Variants in TBC1D12 observed in about 807,000 individuals in gnomAD.
The protein encoded by TBC1D12 is TBC1 domain family member 12.
In TBC1D12, 56 loss-of-function variants were observed where a neutral mutation model predicts 86.7. The ratio of observed to expected loss-of-function variants is 0.65; its 90% CI spans 0.52 to 0.81. The LOEUF (loss-of-function observed/expected upper bound fraction) is 0.81. TBC1D12 is among the 30% of genes least tolerant of loss of function. The probability of loss-of-function intolerance (pLI) is 0.00; values close to 1 mark genes in which losing one functional copy is unlikely to be tolerated. For missense variants in TBC1D12, 1,023 were observed against 1,038.8 expected, an observed-to-expected ratio of 0.98 and a Z score of 0.21; for synonymous variants, 421 against 411.7, an observed-to-expected ratio of 1.02 and a Z score of -0.27.
intron 1 of TBC1D12, 82 bp from the exon 2 acceptor site, chr10:94,441,814 G>A: frequency 6.9e-7 from 1 of 1,439,540 alleles, no homozygotes; most frequent in Non-Finnish European, 9.4e-7. Context: ...TTTTGCCTTG[G>A]GAACAAACTT....
intron 2 of TBC1D12, among the ~76,000 whole-genome samples, chr10:94,454,608 G>A (rs1346245676): frequency 6.6e-6 from 1 of 152,124 alleles, no homozygotes; most frequent in Non-Finnish European, 1.5e-5. Flanking sequence ...TACGGATCTT[G>A]CATATGTTTT....
chr10:94,526,160 G>A (rs1010707040), intron 11 of TBC1D12, among the ~76,000 whole-genome samples: 10 of 152,080 alleles, frequency 6.6e-5, no homozygotes, highest in Non-Finnish European at 1.5e-4. Context: ...TGGCCAGTGC[G>A]ATGGCTCATG....
chr10:94,496,612 A>G (rs765245288), intron 4 of TBC1D12, among the ~76,000 whole-genome samples: 28 of 152,164 alleles, frequency 1.8e-4, no homozygotes, highest in Admixed American at 1.7e-3. Flanking sequence ...TTTAGTGTAA[A>G]TAGAAATATG....
intron 5 of TBC1D12, among the ~76,000 whole-genome samples, chr10:94,497,515 C>CTTTTTT (rs34789814): frequency 1.0e-4 from 10 of 98,106 alleles, no homozygotes; most frequent in African/African-American, 1.8e-4. Flanking sequence ...TCTGCTAAAT[C>CTTTTTT]TTTTTTTTTT....
chr10:94,421,428 A>G (rs2055071978), intron 1 of TBC1D12, among the ~76,000 whole-genome samples: 1 of 152,188 alleles, frequency 6.6e-6, no homozygotes, highest in Admixed American at 6.5e-5. Context: ...TCATCCATTG[A>G]TGGACACTTG....
intron 1 of TBC1D12, among the ~76,000 whole-genome samples, chr10:94,428,314 G>T (rs909128193): frequency 1.4e-5 from 2 of 145,040 alleles, no homozygotes; most frequent in African/African-American, 2.6e-5. Context: ...TTAAGACAGG[G>T]TCTCACTGTG....
chr10:94,485,013 CTT>C (rs1235898494), intron 3 of TBC1D12, among the ~76,000 whole-genome samples: 4 of 152,100 alleles, frequency 2.6e-5, no homozygotes, highest in African/African-American at 9.7e-5. Context: ...AGTCTTTGGA[CTT>C]TTGCAAATAT....
At chr10:94,474,864 C>A in intron 3 of TBC1D12, 81 bp downstream of exon 3, 11 of 1,240,288 alleles carry the variant, frequency 8.9e-6, no homozygotes, top group East Asian at 2.5e-5. Context: ...TAAAAGATAG[C>A]GAGAAAGATA....
chr10:94,403,337 G>C lies in TBC1D12; in HGVS notation c.724G>C (p.Gly242Arg), dbSNP rs1244083901. The C allele has an allele frequency of 6.6e-7, 1 of 1,521,474 alleles. No individual in the cohort carries two copies. 94.2% of individuals were successfully genotyped at this position (1,521,474 alleles called of 1,614,324 possible). A position where few individuals can be genotyped will look rare whatever the true frequency, so the allele number is the denominator to read the frequency against. Residue 242 changes from glycine (G) to arginine (R), a missense_variant, in exon 1 of 13, where the codon GGT becomes CGT. By Grantham distance (125) the Gly-to-Arg change is moderately radical. This residue lies in a region of TBC1D12 where 628 missense variants were observed against 531.1 expected (regional missense o/e 1.18). Transcript: ENST00000225235. ...DSEQRGVGAGGPEEGAPPATS... is the reference protein window; with the variant it reads ...DSEQRGVGAGRPEEGAPPATS... ...AGAGCAGCGGGGAGTCGGCGCCGGG[G>C]GTCCCGAGGAGGGCGCGCCCCCTGC... is the stretch of plus-strand genomic sequence containing the variant.
intron 11 of TBC1D12, among the ~76,000 whole-genome samples, chr10:94,524,267 G>A (rs1340655881): frequency 1.3e-5 from 2 of 152,104 alleles, no homozygotes; most frequent in Admixed American, 6.5e-5. Flanking sequence ...GAGGTATTAC[G>A]CATCTCCTCC....
At chr10:94,502,546 A>G (rs1045875221) in intron 6 of TBC1D12, among the ~76,000 whole-genome samples, 12 of 151,980 alleles carry the variant, frequency 7.9e-5, no homozygotes, top group Non-Finnish European at 1.5e-4. Context: ...CTCTACAAAA[A>G]AAATCTCAAA....
intron 2 of TBC1D12, among the ~76,000 whole-genome samples, chr10:94,444,493 G>T (rs1457369164): frequency 6.6e-6 from 1 of 151,880 alleles, no homozygotes; most frequent in Non-Finnish European, 1.5e-5. Flanking sequence ...GACCAAGTTC[G>T]CCCTCTAGAG....
intron 9 of TBC1D12, among the ~76,000 whole-genome samples, chr10:94,514,470 A>T (rs2056565209): frequency 6.6e-6 from 1 of 152,152 alleles, no homozygotes. Flanking sequence ...CTTTGCTTCT[A>T]TGAGTTCAGT....
chr10:94,500,142 C>T lies in TBC1D12; in HGVS notation c.1413-79C>T, dbSNP rs563298543. 160 of 1,287,174 alleles carry T rather than the reference C, an allele frequency of 1.2e-4. 1 individual carries two copies. The Middle Eastern group carries it at 2.1e-3, about 17-fold the overall frequency. The allele number at this position is 1,287,174 out of a possible 1,614,324, so 79.7% of individuals were successfully genotyped here. A position where few individuals can be genotyped will look rare whatever the true frequency, so the allele number is the denominator to read the frequency against. ...AATGATTTGATCACTTGGCCATAGA[C>T]TAAAGATAATCCATCATGCAACTAG... On this transcript the variant is annotated intron_variant, in intron 5 of 12. Coordinates refer to ENST00000225235, the MANE Select transcript of TBC1D12 (RefSeq NM_015188.2).
intron 6 of TBC1D12, among the ~76,000 whole-genome samples, chr10:94,503,788 C>A (rs987183484): frequency 3.9e-5 from 6 of 152,046 alleles, no homozygotes; most frequent in African/African-American, 1.4e-4. Flanking sequence ...ACCACACTGA[C>A]TAATTTTTGT....
chr10:94,508,830 T>TC (rs2056492692), intron 7 of TBC1D12: 1 of 152,216 alleles, frequency 6.6e-6, no homozygotes, highest in Non-Finnish European at 1.5e-5. Context: ...CGGCTGTTTT[T>TC]CCCCTTGTTT....
At chr10:94,488,520 A>G (rs1223883233) in intron 3 of TBC1D12, among the ~76,000 whole-genome samples, 1 of 146,782 alleles carries the variant, frequency 6.8e-6, no homozygotes, top group Non-Finnish European at 1.5e-5. Flanking sequence ...CCTCCCGAGT[A>G]GCTGGGCTTA....
chr10:94,534,557 A>G lies in TBC1D12; in HGVS notation c.*1461A>G, dbSNP rs1441014077. The G allele has an allele frequency of 2.6e-5, 4 of 152,234 alleles. No homozygotes were observed. The highest frequency in any genetic ancestry group is 5.9e-5 in the Non-Finnish European group (4 of 68,038). 9.4% of individuals were successfully genotyped at this position (152,234 alleles called of 1,614,324 possible). ...CCTTCTCTCAACCGCCAAGAAATGC[A>G]TGATTTCCCTGCCAACTCTAGGAAG... On this transcript the variant is annotated 3_prime_UTR_variant, in exon 13 of 13. Transcript: ENST00000225235.
intron 2 of TBC1D12, among the ~76,000 whole-genome samples, chr10:94,458,165 G>A (rs1051330091): frequency 2.6e-5 from 4 of 152,050 alleles, no homozygotes; most frequent in Non-Finnish European, 4.4e-5. Flanking sequence ...TCTTTAAGAG[G>A]ATTAATCTAT....
Sources: allele counts gnomAD v4.1 joint callset (sites outside exome capture counted in the v4.1 genomes callset), GRCh38; gene constraint gnomAD v4.1.1; regional missense constraint gnomAD v4.1.1; transcripts MANE v1.5; gene names NCBI Gene and HGNC (gene_info 2026-07-23, HGNC 2026-07-21).